The following SMUG1 variants were observed in gnomAD, a reference collection of about 807,000 sequenced individuals.
SMUG1 encodes single-strand selective monofunctional uracil DNA glycosylase.
SMUG1 carries 13 observed loss-of-function variants against 23.9 expected under a neutral mutation model. That is an observed-to-expected ratio of 0.54 (90% CI 0.35 to 0.86). The LOEUF is 0.86. Ranked by LOEUF, SMUG1 falls within the 40% of genes least tolerant of loss-of-function variation. The pLI is 0.01. For missense variants in SMUG1, 313 were observed against 339.5 expected (o/e 0.92, Z 0.61); for synonymous variants, 133 against 139.8 (o/e 0.95, Z 0.34).
intron 3 of SMUG1, among the ~76,000 whole-genome samples, chr12:54,170,743 C>T (rs1487247022): frequency 1.3e-5 from 2 of 152,056 alleles, no homozygotes; most frequent in African/African-American, 2.4e-5. Context: ...ACTACAGGTG[C>T]GTGCCACCAC....
At chr12:54,164,414 A>C (rs931082411), downstream of SMUG1, 3 of 152,630 alleles carry the variant, frequency 2.0e-5, no homozygotes, top group Non-Finnish European at 4.4e-5. Flanking sequence ...AGAAGGAAAG[A>C]GACTGGAGCA....
intron 3 of SMUG1, chr12:54,183,455 T>C: frequency 1.7e-6 from 1 of 597,680 alleles, no homozygotes; most frequent in Admixed American, 3.0e-5. Flanking sequence ...AAACTACCAT[T>C]AATGTGCTTG....
chr12:54,171,924 C>G (rs1940630025), intron 3 of SMUG1: 1 of 378,424 alleles, frequency 2.6e-6, no homozygotes, highest in South Asian at 1.9e-5. Context: ...CATACGCTCT[C>G]ACTAATCCCT....
At chr12:54,170,144 G>A (rs552432736) in intron 3 of SMUG1, among the ~76,000 whole-genome samples, 7 of 151,916 alleles carry the variant, frequency 4.6e-5, no homozygotes, top group Middle Eastern at 6.8e-3. Flanking sequence ...TTTGCGGTCC[G>A]GCGAGATCGC....
intron 3 of SMUG1, among the ~76,000 whole-genome samples, chr12:54,166,914 G>A (rs935103888): frequency 5.9e-5 from 9 of 152,258 alleles, no homozygotes; most frequent in Middle Eastern, 3.4e-3. Flanking sequence ...ACCCTCACAC[G>A]CCTGTGTGTG....
chr12:54,173,133 G>C (rs1162538504), intron 2 of SMUG1: 1 of 153,454 alleles, frequency 6.5e-6, no homozygotes, highest in Non-Finnish European at 1.5e-5. Context: ...AGTGGAGGCA[G>C]CATCGGCCAG....
intron 3 of SMUG1, chr12:54,168,470 T>G (rs1397823419): frequency 6.6e-6 from 1 of 152,244 alleles, no homozygotes; most frequent in East Asian, 1.9e-4. Flanking sequence ...GTGATTTTTA[T>G]GTACATTAAA....
intron 1 of SMUG1, chr12:54,188,647 A>T (rs1299748243): frequency 6.6e-6 from 1 of 152,156 alleles, no homozygotes; most frequent in East Asian, 1.9e-4. Flanking sequence ...AATAAACAAT[A>T]ATAATAATAA....
chr12:54,169,304 G>A lies in SMUG1; in HGVS notation c.*52+2721C>T, dbSNP rs1940557953. On this transcript the variant is annotated intron_variant and NMD_transcript_variant, in intron 3 of 4. Transcript: ENST00000509864. ...CAGCAGCAGAGGCAAGATAAACAGT[G>A]CATGGCTAGGACTGTACCAGTGGAG... is the stretch of plus-strand genomic sequence containing the variant. Among the ~76,000 whole-genome samples, 4 of 152,164 alleles carry A rather than the reference G, an allele frequency of 2.6e-5. 1 individual carries two copies. In the South Asian group the frequency reaches 8.3e-4, roughly 32 times the overall value.
Position 54,182,489 on chromosome 12 carries a change from T to A in SMUG1, c.420A>T (p.Arg140=). 1.2e-6 allele frequency: 2 copies of A among 1,614,040 alleles called. No individual in the cohort carries two copies. Among genetic ancestry groups the A allele is most frequent in the South Asian group, 1.1e-5 (1 of 91,080 alleles). ...AGAGGTTCCGGAAAAAGCCCCAGAA[T>A]CGGGCACCACTCACTTCTGACTGTG... ...ECPQSEVSGA[R]FWGFFRNLCG... Residue 140 remains arginine (R), a synonymous_variant, in exon 4 of 4, where the codon CGA becomes CGT. Coordinates refer to ENST00000682136, the MANE Select transcript of SMUG1 (RefSeq NM_001243787.2).
downstream of SMUG1, among the ~76,000 whole-genome samples, chr12:54,161,248 G>A (rs868046667): frequency 4.1e-4 from 63 of 152,028 alleles, no homozygotes; most frequent in Middle Eastern, 6.8e-3. The surrounding 1 kb of genome is among the most constrained non-coding windows in gnomAD (Gnocchi z 4.2). Context: ...TTCTCGGCGC[G>A]CAAAGCTATA....
downstream of SMUG1, among the ~76,000 whole-genome samples, chr12:54,176,881 CCTCAGAAG>C (rs935214302): frequency 6.6e-6 from 1 of 151,874 alleles, no homozygotes; most frequent in African/African-American, 2.4e-5. Context: ...ACAATCTATC[CCTCAGAAG>C]CTCAGAAGCA....
intron 3 of SMUG1, chr12:54,168,720 AGAGTTGGGGGGAGGGGCTT>A (rs1480958039): frequency 6.6e-6 from 1 of 152,170 alleles, no homozygotes; most frequent in Non-Finnish European, 1.5e-5. Context: ...CCCACCTCCC[AGAGTTGGGGGGAGGGGCTT>A]GAGTTGGGAA....
intron 2 of SMUG1, chr12:54,187,123 T>C (rs1942653643): frequency 6.6e-6 from 1 of 152,282 alleles, no homozygotes; most frequent in Non-Finnish European, 1.5e-5. Context: ...CACTTTGCAC[T>C]CTGCTTGTTT....
chr12:54,185,535 G>A (rs190580721), intron 2 of SMUG1, among the ~76,000 whole-genome samples: 5 of 146,712 alleles, frequency 3.4e-5, no homozygotes, highest in South Asian at 2.2e-4. Flanking sequence ...TAAATTTGCC[G>A]GGCGCAACAG....
chr12:54,166,324 G>A (rs1286103189), intron 3 of SMUG1, among the ~76,000 whole-genome samples: 1 of 152,204 alleles, frequency 6.6e-6, no homozygotes, highest in East Asian at 1.9e-4. Context: ...TCACGCCATT[G>A]TACTCCAGCC....
chr12:54,179,558 A>G (rs1380509456), downstream of SMUG1, among the ~76,000 whole-genome samples: 1 of 152,168 alleles, frequency 6.6e-6, no homozygotes, highest in Non-Finnish European at 1.5e-5. Context: ...AAAGGAGTCT[A>G]TGGCATGTGG....
intron 3 of SMUG1, among the ~76,000 whole-genome samples, chr12:54,166,100 C>A (rs544442178): frequency 6.6e-6 from 1 of 152,164 alleles, no homozygotes; most frequent in Non-Finnish European, 1.5e-5. Context: ...CAGTGGCTCA[C>A]GCCTGTAATC....
At chr12:54,186,202 T>C (rs1399178203) in intron 2 of SMUG1, among the ~76,000 whole-genome samples, 1 of 152,188 alleles carries the variant, frequency 6.6e-6, no homozygotes, top group East Asian at 1.9e-4. Flanking sequence ...ACTCCCATCC[T>C]TCAAAATGCA....
Sources: gnomAD v4.1 joint callset for allele counts (sites outside exome capture counted in the v4.1 genomes callset) on GRCh38, gnomAD v4.1.1 for gene constraint, Gnocchi (gnomAD v3.1) non-coding constraint, MANE v1.5 for transcripts, NCBI Gene and HGNC (gene_info 2026-07-23, HGNC 2026-07-21) for gene names.